The following CUX1 variants were observed in gnomAD, a reference collection of about 807,000 sequenced individuals.
CUX1 encodes the protein cut like homeobox 1.
Under a neutral mutation model 158.8 loss-of-function variants are expected in CUX1, and 31 were observed. The ratio of observed to expected loss-of-function variants is 0.20; its 90% CI spans 0.15 to 0.26. The LOEUF is 0.26. Among genes scored for constraint, CUX1 ranks in the 10% least tolerant of loss-of-function variants. The pLI is 1.00. For synonymous variants in CUX1, 879 were observed against 862.1 expected (o/e 1.02, Z -0.34); for missense variants, 1,589 against 2,014.6 (o/e 0.79, Z 4.04).
chr7:102,009,300 C>T (rs1817726408), intron 2 of CUX1, among the ~76,000 whole-genome samples: 1 of 152,164 alleles, frequency 6.6e-6, no homozygotes, highest in East Asian at 1.9e-4. Flanking sequence ...GCTGACCGCA[C>T]AAATGATGGT....
At chr7:102,056,378 A>T (rs1824127631) in intron 3 of CUX1, among the ~76,000 whole-genome samples, 1 of 152,224 alleles carries the variant, frequency 6.6e-6, no homozygotes, top group South Asian at 2.1e-4. Context: ...GGGATAATGC[A>T]GCTGGTGACT....
At chr7:102,156,890 C>A (rs1007060243) in intron 8 of CUX1, among the ~76,000 whole-genome samples, 25 of 152,292 alleles carry the variant, frequency 1.6e-4, no homozygotes, top group African/African-American at 6.0e-4. Flanking sequence ...AGAGAGAGCT[C>A]ACAGCGTGGG....
chr7:102,182,940 G>A (rs760161205), intron 11 of CUX1, among the ~76,000 whole-genome samples: 1 of 152,202 alleles, frequency 6.6e-6, no homozygotes, highest in African/African-American at 2.4e-5. Flanking sequence ...TTAAAGATCA[G>A]TGCTTCCCAC....
intron 2 of CUX1, among the ~76,000 whole-genome samples, chr7:101,983,289 A>G (rs1195800244): frequency 6.6e-6 from 1 of 152,218 alleles, no homozygotes; most frequent in Non-Finnish European, 1.5e-5. Flanking sequence ...CCTCTTAGAA[A>G]AAGAAAGACA....
intron 3 of CUX1, among the ~76,000 whole-genome samples, chr7:102,065,974 A>G (rs937061071): frequency 1.3e-5 from 2 of 152,062 alleles, no homozygotes; most frequent in Non-Finnish European, 1.5e-5. Flanking sequence ...TATTTTTAGT[A>G]GAGACAGGGT....
At chr7:101,965,956 C>G (rs1811154700) in intron 2 of CUX1, among the ~76,000 whole-genome samples, 1 of 151,704 alleles carries the variant, frequency 6.6e-6, no homozygotes, top group Admixed American at 6.6e-5. Flanking sequence ...TGGAAACAAG[C>G]CAGCAGAAAA....
chr7:101,882,925 CT>C (rs1799861974), intron 1 of CUX1, among the ~76,000 whole-genome samples: 1 of 152,130 alleles, frequency 6.6e-6, no homozygotes, highest in Non-Finnish European at 1.5e-5. Context: ...GGGATAAAGC[CT>C]TTTTCGGGCC....
chr7:102,012,017 C>T (rs1818092965), intron 2 of CUX1, among the ~76,000 whole-genome samples: 1 of 151,954 alleles, frequency 6.6e-6, no homozygotes, highest in Admixed American at 6.6e-5. Flanking sequence ...CCATGTTGGC[C>T]ATGCTGGTTG....
chr7:102,204,595 C>A (rs782514743), intron 19 of CUX1, 39 bp downstream of exon 19: 9 of 1,602,708 alleles, frequency 5.6e-6, no homozygotes, highest in Non-Finnish European at 7.7e-6. Flanking sequence ...GCTGCCCCCC[C>A]ATAGCAAGGA....
At chr7:101,877,890 C>G (rs1219245073) in intron 1 of CUX1, among the ~76,000 whole-genome samples, 1 of 151,520 alleles carries the variant, frequency 6.6e-6, no homozygotes, top group African/African-American at 2.4e-5. Context: ...GGGTTGCTTC[C>G]TTGAAGAATG....
rs1554542057 is a variant in CUX1 at position 102,256,448 on chromosome 7, C to T, written c.*7406C>T. ...CTGTCACTCTAGTGGTTACTATCCT[C>T]TGCCTTCCTCTCCTCCCCTACTCCC... On this transcript the variant is annotated 3_prime_UTR_variant, in exon 24 of 24. Coordinates refer to ENST00000292535, the MANE Select transcript of CUX1 (RefSeq NM_181552.4). 4.1e-6 allele frequency: 4 copies of T among 985,296 alleles called. No individual in the cohort carries two copies. The East Asian group carries it at 4.5e-4, about 111-fold the overall frequency. 61.0% of individuals were successfully genotyped at this position (985,296 alleles called of 1,614,324 possible).
chr7:102,178,709 T>A (rs782693497), intron 11 of CUX1, 52 bp downstream of exon 11: 2 of 1,536,722 alleles, frequency 1.3e-6, no homozygotes, highest in Non-Finnish European at 1.8e-6. Flanking sequence ...GGCGGATGGC[T>A]GGACACACGC....
intron 2 of CUX1, among the ~76,000 whole-genome samples, chr7:101,985,036 T>C (rs1289819496): frequency 6.6e-6 from 1 of 152,186 alleles, no homozygotes; most frequent in Non-Finnish European, 1.5e-5. Context: ...AAAAGAAATA[T>C]TGCTTTATTC....
chr7:102,241,345 T>G (rs1421297377), intron 23 of CUX1, among the ~76,000 whole-genome samples: 2 of 152,142 alleles, frequency 1.3e-5, no homozygotes, highest in African/African-American at 4.8e-5. Context: ...AGCTAGTGCC[T>G]TGCCATTGAC....
chr7:101,816,973 C>T, upstream of CUX1: 1 of 983,842 alleles, frequency 1.0e-6, no homozygotes, highest in Non-Finnish European at 1.2e-6. Flanking sequence ...CCGCGCACCT[C>T]GCGGCCGCCG....
At chr7:102,261,199 C>T (rs1393708603), downstream of CUX1, among the ~76,000 whole-genome samples, 2 of 152,148 alleles carry the variant, frequency 1.3e-5, no homozygotes, top group African/African-American at 4.8e-5. Context: ...AGAATACCAA[C>T]AGGAAGGGCC....
chr7:102,281,805 G>T (rs199875707), intron 20 of CUX1: 1 of 1,443,178 alleles, frequency 6.9e-7, no homozygotes, highest in Non-Finnish European at 9.8e-7. Flanking sequence ...GGGTGAGGCC[G>T]GCCCCATCCC....
At chr7:101,890,318 AGG>A (rs138623694) in intron 1 of CUX1, among the ~76,000 whole-genome samples, 5,035 of 152,178 alleles carry the variant, frequency 0.033, 259 homozygotes, top group African/African-American at 0.11. Flanking sequence ...TGGCCAGGGA[AGG>A]GGACAGGGTG....
chr7:101,930,134 G>A (rs1010239399), intron 2 of CUX1, among the ~76,000 whole-genome samples: 1 of 152,184 alleles, frequency 6.6e-6, no homozygotes, highest in Non-Finnish European at 1.5e-5. Flanking sequence ...GCGTCACCAC[G>A]CCTGGCCCAG....
Sources: gnomAD v4.1 joint callset for allele counts (sites outside exome capture counted in the v4.1 genomes callset) on GRCh38, gnomAD v4.1.1 for gene constraint, MANE v1.5 for transcripts, NCBI Gene and HGNC (gene_info 2026-07-23, HGNC 2026-07-21) for gene names.